Variants in HTR7 observed in about 807,000 individuals in gnomAD.
The protein encoded by HTR7 is 5-hydroxytryptamine receptor 7.
Under a neutral mutation model 34.0 loss-of-function variants are expected in HTR7, and 16 were observed. The ratio of observed to expected loss-of-function variants is 0.47; its 90% CI spans 0.32 to 0.71. The LOEUF is 0.71. HTR7 is among the 30% of genes least tolerant of loss of function. The probability of loss-of-function intolerance (pLI) is 0.04; values close to 1 mark genes in which losing one functional copy is unlikely to be tolerated. For synonymous variants in HTR7, 265 were observed against 260.2 expected, an observed-to-expected ratio of 1.02 and a Z score of -0.18; for missense variants, 504 against 625.5, an observed-to-expected ratio of 0.81 and a Z score of 2.07.
At chr10:90,750,477 G>T (rs539705065) in intron 1 of HTR7, among the ~76,000 whole-genome samples, 2 of 152,268 alleles carry the variant, frequency 1.3e-5, no homozygotes, top group African/African-American at 4.8e-5. Context: ...ATATTTTTCA[G>T]CTTTTCAAAC....
chr10:90,819,543 G>T (rs1845946164), intron 1 of HTR7, among the ~76,000 whole-genome samples: 1 of 152,100 alleles, frequency 6.6e-6, no homozygotes, highest in Non-Finnish European at 1.5e-5. Context: ...TGATTTGTAG[G>T]TAATGTAGTG....
intron 1 of HTR7, among the ~76,000 whole-genome samples, chr10:90,755,886 A>G (rs1844826795): frequency 6.6e-6 from 1 of 152,254 alleles, no homozygotes; most frequent in Non-Finnish European, 1.5e-5. Context: ...AACATTAACC[A>G]AAATACACAT....
At chr10:90,766,877 C>T (rs1173497483) in intron 1 of HTR7, among the ~76,000 whole-genome samples, 1 of 152,230 alleles carries the variant, frequency 6.6e-6, no homozygotes, top group Non-Finnish European at 1.5e-5. Context: ...TCAGTCCAGC[C>T]TATGGTTCTT....
At chr10:90,832,239 G>A (rs1021277556) in intron 1 of HTR7, among the ~76,000 whole-genome samples, 5 of 152,160 alleles carry the variant, frequency 3.3e-5, no homozygotes, top group African/African-American at 4.8e-5. Flanking sequence ...GGCACTCGTC[G>A]GAGAGGCTCA....
At chr10:90,801,376 T>G (rs1845623768) in intron 1 of HTR7, among the ~76,000 whole-genome samples, 7 of 152,196 alleles carry the variant, frequency 4.6e-5, no homozygotes, top group Admixed American at 3.9e-4. Flanking sequence ...TAAAACTCCA[T>G]AGTTGCAGAA....
intron 1 of HTR7, among the ~76,000 whole-genome samples, chr10:90,801,420 TA>T (rs1466756463): frequency 6.6e-6 from 1 of 152,218 alleles, no homozygotes; most frequent in Non-Finnish European, 1.5e-5. Context: ...ACCAGCTGGT[TA>T]AAAGAAATCA....
chr10:90,762,063 G>A (rs1408716946), intron 1 of HTR7, among the ~76,000 whole-genome samples: 2 of 152,138 alleles, frequency 1.3e-5, no homozygotes, highest in African/African-American at 4.8e-5. Context: ...TCCATAGCTT[G>A]GCTATAGTAA....
At chr10:90,743,184 C>A (rs1032206152) in intron 3 of HTR7, among the ~76,000 whole-genome samples, 3 of 152,168 alleles carry the variant, frequency 2.0e-5, no homozygotes, top group African/African-American at 7.2e-5. Flanking sequence ...ACCTACCCAC[C>A]CCATCTAAAG....
At chr10:90,842,373 C>T (rs529985846) in intron 1 of HTR7, among the ~76,000 whole-genome samples, 2 of 152,230 alleles carry the variant, frequency 1.3e-5, no homozygotes, top group East Asian at 1.9e-4. Context: ...TATAAATTAC[C>T]CAGTCTTGGG....
Position 90,832,924 on chromosome 10 carries a change from C to T in HTR7, c.539+24209G>A, listed in dbSNP as rs567838667. ...GGTGGGCCTACAAGCAGGGAGTCCA[C>T]TCTCCACCTTCCCACTCCCTCTGAT... On this transcript the variant is annotated intron_variant, in intron 1 of 3. Coordinates refer to ENST00000336152, the MANE Select transcript of HTR7 (RefSeq NM_019859.4). Among the ~76,000 whole-genome samples, 41 of 152,348 alleles carry T rather than the reference C, an allele frequency of 2.7e-4. 1 individual carries two copies. The highest frequency in any genetic ancestry group is 8.7e-4 in the African/African-American group (36 of 41,580).
chr10:90,789,304 C>T (rs2093449729), intron 1 of HTR7, among the ~76,000 whole-genome samples: 1 of 151,894 alleles, frequency 6.6e-6, no homozygotes, highest in South Asian at 2.1e-4. Context: ...TTTTTTTTGC[C>T]TACATGGTCT....
At chr10:90,768,965 C>T (rs1356721236) in intron 1 of HTR7, among the ~76,000 whole-genome samples, 1 of 152,202 alleles carries the variant, frequency 6.6e-6, no homozygotes, top group African/African-American at 2.4e-5. Flanking sequence ...GAAGGTACCA[C>T]TGAAACAGCA....
Position 90,857,344 on chromosome 10 carries a change from T to G in HTR7, c.328A>C (p.Lys110Gln). 6.2e-7 allele frequency: 1 copy of G among 1,613,946 alleles called. No homozygotes were observed. Among genetic ancestry groups the G allele is most frequent in the Non-Finnish European group, 8.5e-7 (1 of 1,179,972 alleles). ...TAGTTGGAGGGCTGGCGGAGCTTCT[T>G]GACGAAGCACACGGAGATCACCACC... ...CLVVISVCFVKKLRQPSNYLI... is the reference protein window; with the variant it reads ...CLVVISVCFVQKLRQPSNYLI... The change falls in exon 1 of 4, where the codon AAG becomes CAG. Residue 110 changes from lysine to glutamine, a missense_variant. Around this residue, in one of 4 missense-constraint regions of HTR7, gnomAD observed 154 missense variants for 248.8 expected, o/e 0.62. Coordinates refer to ENST00000336152, the MANE Select transcript of HTR7 (RefSeq NM_019859.4). This position sits in a 1 kb window ranked among gnomAD's most constrained non-coding sequence, Gnocchi z 6.5.
chr10:90,837,227 C>T (rs1846267159), intron 1 of HTR7, among the ~76,000 whole-genome samples: 1 of 152,332 alleles, frequency 6.6e-6, no homozygotes, highest in South Asian at 2.1e-4. Flanking sequence ...ATTAATTTAT[C>T]CATCCATTCA....
intron 1 of HTR7, among the ~76,000 whole-genome samples, chr10:90,824,667 G>A (rs1319516687): frequency 1.3e-5 from 2 of 152,172 alleles, no homozygotes; most frequent in African/African-American, 4.8e-5. Flanking sequence ...TCCCAATCCT[G>A]GAAACATTCA....
At chr10:90,810,301 C>T (rs901410194) in intron 1 of HTR7, among the ~76,000 whole-genome samples, 4 of 152,144 alleles carry the variant, frequency 2.6e-5, no homozygotes, top group African/African-American at 9.6e-5. Context: ...CTCTTGTATC[C>T]CCCCACCTTA....
intron 1 of HTR7, among the ~76,000 whole-genome samples, chr10:90,789,728 T>C (rs1049487445): frequency 3.3e-5 from 5 of 152,122 alleles, no homozygotes; most frequent in African/African-American, 1.2e-4. Flanking sequence ...GCTGAATGCA[T>C]TATGATGGTA....
At chr10:90,848,069 C>A (rs116254773) in intron 1 of HTR7, among the ~76,000 whole-genome samples, 1 of 112,096 alleles carries the variant, frequency 8.9e-6, no homozygotes, top group Non-Finnish European at 1.7e-5. Flanking sequence ...TCTCTTTGTT[C>A]TTTTTTTTTT....
At chr10:90,854,261 C>T (rs542926391) in intron 1 of HTR7, among the ~76,000 whole-genome samples, 2 of 152,180 alleles carry the variant, frequency 1.3e-5, no homozygotes, top group East Asian at 1.9e-4. Context: ...GGCTCAGGCA[C>T]GAGAATCACC....
Sources: allele counts gnomAD v4.1 joint callset (sites outside exome capture counted in the v4.1 genomes callset), GRCh38; gene constraint gnomAD v4.1.1; regional missense constraint gnomAD v4.1.1; non-coding constraint Gnocchi (gnomAD v3.1); transcripts MANE v1.5; gene names NCBI Gene and HGNC (gene_info 2026-07-23, HGNC 2026-07-21).